Variants in TRIM39 observed in about 807,000 individuals in gnomAD.
The protein encoded by TRIM39 is E3 ubiquitin-protein ligase TRIM39.
A neutral mutation model predicts 53.6 loss-of-function variants in TRIM39; 5 were observed. The observed-to-expected ratio is 0.09, with a 90% CI of 0.05 to 0.20. The LOEUF is 0.20. Among genes scored for constraint, TRIM39 ranks in the 10% least tolerant of loss-of-function variants. The pLI is 1.00. For synonymous variants in TRIM39, 196 were observed against 237.6 expected, an observed-to-expected ratio of 0.82 and a Z score of 1.61; for missense variants, 310 against 621.0, an observed-to-expected ratio of 0.50 and a Z score of 5.32.
chr6:30,330,519 CAG>C (rs1786015071), intron 3 of TRIM39, among the ~76,000 whole-genome samples: 1 of 152,056 alleles, frequency 6.6e-6, no homozygotes, highest in South Asian at 2.1e-4. Flanking sequence ...AGAAAGGACA[CAG>C]AGTTGATGAC....
At chr6:30,340,441 G>C in intron 6 of TRIM39, 64 bp from the exon 7 acceptor site, 1 of 1,610,532 alleles carries the variant, frequency 6.2e-7, no homozygotes. Context: ...CATCTGAATA[G>C]TCACTTGGCT....
In TRIM39 at chr6:30,339,804, C is replaced by G. The variant is rs1335140712; in HGVS notation, c.781-104C>G. Reference sequence around the variant, plus strand: ...CTGTGTGACCCTCAGTTTATCCTATCCCTATTTTATAGCTGTGGAACTTTG... The same window carrying G: ...CTGTGTGACCCTCAGTTTATCCTATGCCTATTTTATAGCTGTGGAACTTTG... On this transcript the variant is annotated intron_variant, in intron 5 of 7. Transcript: ENST00000396551. This position sits in a 1 kb window ranked among gnomAD's most constrained non-coding sequence, Gnocchi z 4.2. The G allele has an allele frequency of 4.0e-6, 6 of 1,492,312 alleles. No individual in the cohort carries two copies. Among genetic ancestry groups the G allele is most frequent in the Non-Finnish European group, 3.7e-6 (4 of 1,080,038 alleles). The allele number at this position is 1,492,312 out of a possible 1,614,324, so 92.4% of individuals were successfully genotyped here.
At chr6:30,336,335 A>T (rs1786856823) in intron 5 of TRIM39, among the ~76,000 whole-genome samples, 1 of 152,242 alleles carries the variant, frequency 6.6e-6, no homozygotes, top group South Asian at 2.1e-4. Context: ...TGTACTGCTG[A>T]AAAAGGACAG....
intron 3 of TRIM39, among the ~76,000 whole-genome samples, chr6:30,330,094 G>T (rs576877777): frequency 6.6e-6 from 1 of 152,314 alleles, no homozygotes; most frequent in Non-Finnish European, 1.5e-5. Flanking sequence ...AAGTAGTCTG[G>T]TTTCTTCATT....
chr6:30,328,288 A>G (rs1024435578), intron 1 of TRIM39, among the ~76,000 whole-genome samples: 2 of 152,308 alleles, frequency 1.3e-5, no homozygotes, highest in East Asian at 3.9e-4. Context: ...TCTCTTTTCA[A>G]GAAGTCGTTG....
chr6:30,343,427 A>G (rs1448925101), exon 8 of TRIM39: 1 of 152,650 alleles, frequency 6.6e-6, no homozygotes, highest in African/African-American at 2.4e-5. Context: ...GAGAATGTAA[A>G]TGATTTTCAT....
At chr6:30,332,342 C>T (rs1786281772) in intron 4 of TRIM39, among the ~76,000 whole-genome samples, 1 of 152,166 alleles carries the variant, frequency 6.6e-6, no homozygotes. Flanking sequence ...TGCACAGCTG[C>T]AAGTTCATAA....
In TRIM39 at chr6:30,342,495, A is replaced by G; in HGVS notation, c.*236A>G. The G allele has an allele frequency of 1.7e-6, 1 of 592,698 alleles. No homozygotes were observed. The highest frequency in any genetic ancestry group is 3.0e-6 in the Non-Finnish European group (1 of 335,212). The allele number at this position is 592,698 out of a possible 1,614,324, so 36.7% of individuals were successfully genotyped here. A position where few individuals can be genotyped will look rare whatever the true frequency, so the allele number is the denominator to read the frequency against. The stretch of plus-strand genomic sequence containing the variant: ...AGGGTGGGGAGCTGGTTCCCAGAGG[A>G]TTGTCTACCCTGAAGTCCATCAGGT... On this transcript the variant is annotated 3_prime_UTR_variant, in exon 8 of 8. Transcript: ENST00000396551. This position sits in a 1 kb window ranked among gnomAD's most constrained non-coding sequence, Gnocchi z 4.7.
chr6:30,330,912 G>A lies in TRIM39; in HGVS notation c.549+36G>A, dbSNP rs377064251. The A allele has an allele frequency of 1.4e-5, 23 of 1,607,476 alleles. No individual in the cohort carries two copies. In the African/African-American group the frequency reaches 2.7e-4, roughly 19 times the overall value. ...GCAATCCCATGTAGGCTGCTCTGAA[G>A]GGTATTTGCCTATGAGGGAATTAAC... On this transcript the variant is annotated intron_variant, in intron 4 of 7. Transcript: ENST00000396551.
chr6:30,329,904 C>G, intron 3 of TRIM39, 134 bp downstream of exon 3: 1 of 1,296,750 alleles, frequency 7.7e-7, no homozygotes, highest in Non-Finnish European at 1.0e-6. Flanking sequence ...CAGGGGCACA[C>G]AGTATGTGTG....
intron 4 of TRIM39, among the ~76,000 whole-genome samples, chr6:30,331,500 T>C (rs972852926): frequency 6.6e-6 from 1 of 152,130 alleles, no homozygotes. Context: ...CAAAGGAGGC[T>C]TTCTGCTGAG....
Position 30,339,424 on chromosome 6 carries a change from C to T in TRIM39, c.781-484C>T, listed in dbSNP as rs1787237289. Among the ~76,000 whole-genome samples, 1 of 152,190 alleles carries T rather than the reference C, an allele frequency of 6.6e-6. No individual in the cohort carries two copies. Among genetic ancestry groups the T allele is most frequent in the African/African-American group, 2.4e-5 (1 of 41,450 alleles). On this transcript the variant is annotated intron_variant, in intron 5 of 7. Coordinates refer to ENST00000396551, the Ensembl canonical transcript of TRIM39. The surrounding 1 kb of genome is among the most constrained non-coding windows in gnomAD (Gnocchi z 4.2). ...TTGGCCTCCCAAAGCGCTCAGATTACAGGCGTGAGCTACTGTGCCCAGCCA... is the reference window on the plus strand; with the variant it reads ...TTGGCCTCCCAAAGCGCTCAGATTATAGGCGTGAGCTACTGTGCCCAGCCA...
rs547974742 is a variant in TRIM39, at chr6:30,338,178, G to A, written c.781-1730G>A. ...GCTGTTTCACTTTCTTATCATTCAT[G>A]TGTTCACTGGAGTAGCACTTTTAAT... On this transcript the variant is annotated intron_variant, in intron 5 of 7. Coordinates refer to ENST00000396551, the Ensembl canonical transcript of TRIM39. This position sits in a 1 kb window ranked among gnomAD's most constrained non-coding sequence, Gnocchi z 4.0. Among the ~76,000 whole-genome samples the A allele has an allele frequency of 2.5e-3, 381 of 152,206 alleles. 3 individuals carry two copies. Among genetic ancestry groups the A allele is most frequent in the African/African-American group, 6.8e-3 (282 of 41,516 alleles).
At chr6:30,333,516 C>G (rs757486493) in intron 4 of TRIM39, among the ~76,000 whole-genome samples, 4 of 151,832 alleles carry the variant, frequency 2.6e-5, no homozygotes, top group Non-Finnish European at 5.9e-5. Context: ...CACCACCACA[C>G]CCAGCTGATT....
intron 1 of TRIM39, among the ~76,000 whole-genome samples, chr6:30,328,640 C>CTTT (rs565272336): frequency 6.9e-6 from 1 of 144,098 alleles, no homozygotes; most frequent in Non-Finnish European, 1.5e-5. Flanking sequence ...TATGCATGGA[C>CTTT]TTTTTTTTTT....
intron 4 of TRIM39, among the ~76,000 whole-genome samples, chr6:30,333,768 AG>A (rs1786511239): frequency 6.6e-6 from 1 of 152,184 alleles, no homozygotes; most frequent in Non-Finnish European, 1.5e-5. Flanking sequence ...CGTCATTGTC[AG>A]GAACTTCCCC....
chr6:30,331,447 G>A (rs576225113), intron 4 of TRIM39, among the ~76,000 whole-genome samples: 1 of 152,328 alleles, frequency 6.6e-6, no homozygotes, highest in East Asian at 1.9e-4. Context: ...CTGGTGAGCT[G>A]AGAGAGTTCG....
chr6:30,333,782 C>T (rs1786513920), intron 4 of TRIM39, among the ~76,000 whole-genome samples: 2 of 152,074 alleles, frequency 1.3e-5, no homozygotes, highest in African/African-American at 2.4e-5. Context: ...ACTTCCCCAA[C>T]CATGGAAAAC....
At position 30,342,646 on chromosome 6, in the gene TRIM39, T is replaced by C; in HGVS notation, c.*387T>C. The C allele has an allele frequency of 3.5e-6, 1 of 282,812 alleles. No homozygotes were observed. Among genetic ancestry groups the C allele is most frequent in the African/African-American group, 2.2e-5 (1 of 46,212 alleles). The allele number at this position is 282,812 out of a possible 1,614,324, so 17.5% of individuals were successfully genotyped here. On this transcript the variant is annotated 3_prime_UTR_variant, in exon 8 of 8. Transcript: ENST00000396551. The surrounding 1 kb of genome is among the most constrained non-coding windows in gnomAD (Gnocchi z 4.7). ...AACCCCTGCACATCTTTTTAGGGGG[T>C]TCTTTGACCCAGGATAGTCTTGCTT...
Sources: allele counts gnomAD v4.1 joint callset (sites outside exome capture counted in the v4.1 genomes callset), GRCh38; gene constraint gnomAD v4.1.1; non-coding constraint Gnocchi (gnomAD v3.1); transcripts MANE v1.5; gene names NCBI Gene and HGNC (gene_info 2026-07-23, HGNC 2026-07-21).